Variants in LRP1B observed in about 807,000 individuals in gnomAD.
The protein encoded by LRP1B is LDL receptor related protein 1B, also known as low-density lipoprotein receptor-related protein 1B.
LRP1B carries 217 observed loss-of-function variants against 556.6 expected under a neutral mutation model. The ratio of observed to expected loss-of-function variants is 0.39; its 90% CI spans 0.35 to 0.44. The LOEUF is 0.44. Ranked by LOEUF, LRP1B falls within the 20% of genes least tolerant of loss-of-function variation. LRP1B has a pLI of 1.00. For missense variants in LRP1B, 5,053 were observed against 5,620.8 expected, an observed-to-expected ratio of 0.90 and a Z score of 3.23; for synonymous variants, 2,047 against 1,865.8, an observed-to-expected ratio of 1.10 and a Z score of -2.50.
chr2:140,687,366 A>G (rs1189379578), intron 41 of LRP1B, among the ~76,000 whole-genome samples: 1 of 152,194 alleles, frequency 6.6e-6, no homozygotes, highest in African/African-American at 2.4e-5. Context: ...AGGTTTAGAC[A>G]GCTAAAAGTA....
intron 41 of LRP1B, among the ~76,000 whole-genome samples, chr2:140,669,339 T>G (rs1685400077): frequency 2.0e-5 from 3 of 152,142 alleles, no homozygotes; most frequent in Admixed American, 2.0e-4. Context: ...TATTCTTTAT[T>G]GGGTCTACAG....
rs72846845 is a variant in LRP1B, at chr2:141,405,425, T to C, written c.343+74971A>G. Among the ~76,000 whole-genome samples, 736 of 152,280 alleles carry C rather than the reference T, an allele frequency of 4.8e-3. 9 individuals carry two copies. Among genetic ancestry groups the C allele is most frequent in the Middle Eastern group, 0.017 (5 of 294 alleles). ...TAGAACTACATTAATTTAGTCATAA[T>C]CACATAATTTATAACACATTAAGTC... On this transcript the variant is annotated intron_variant, in intron 3 of 90. Coordinates refer to ENST00000389484, the MANE Select transcript of LRP1B (RefSeq NM_018557.3).
At chr2:142,129,589 TCTCTCTCTCTC>T (rs1707777579) in intron 1 of LRP1B, among the ~76,000 whole-genome samples, 1 of 2,374 alleles carries the variant, frequency 4.2e-4, no homozygotes, top group African/African-American at 1.3e-3. Context: ...TCTCTTTCTC[TCTCTCTCTCTC>T]TCTCTCTCTC....
chr2:141,632,273 T>C (rs1688943245), intron 2 of LRP1B, among the ~76,000 whole-genome samples: 1 of 152,152 alleles, frequency 6.6e-6, no homozygotes, highest in African/African-American at 2.4e-5. Flanking sequence ...TTTATAAAGA[T>C]TCTTAGCACT....
chr2:141,646,438 G>A (rs1689566703), intron 2 of LRP1B, among the ~76,000 whole-genome samples: 1 of 152,072 alleles, frequency 6.6e-6, no homozygotes, highest in Admixed American at 6.6e-5. Flanking sequence ...TGCTCATTGA[G>A]GGCCTGTGAT....
At chr2:140,283,739 T>C (rs184014715) in intron 84 of LRP1B, among the ~76,000 whole-genome samples, 3 of 151,892 alleles carry the variant, frequency 2.0e-5, no homozygotes, top group Admixed American at 6.6e-5. Context: ...TTCAAAATAG[T>C]CAAAAATCAA....
At chr2:140,871,978 G>A (rs1470478968) in intron 25 of LRP1B, among the ~76,000 whole-genome samples, 1 of 150,532 alleles carries the variant, frequency 6.6e-6, no homozygotes, top group Admixed American at 6.6e-5. Flanking sequence ...AGAGGTGTGT[G>A]TGTTTGTATG....
In LRP1B at chr2:140,690,340, T is replaced by C. The variant is rs79456521; in HGVS notation, c.6799+9910A>G. 3.1e-3 allele frequency among the ~76,000 whole-genome samples: 476 copies of C among 152,250 alleles called. 6 individuals are homozygous for C. The highest frequency in any genetic ancestry group is 3.4e-3 in the Middle Eastern group (1 of 294). ...ATGCTTTGTTAAAAGGGCATATCACTCTTCCGGGTCTAACCTCTTCTTCGG... is the reference window on the plus strand; with the variant it reads ...ATGCTTTGTTAAAAGGGCATATCACCCTTCCGGGTCTAACCTCTTCTTCGG... On this transcript the variant is annotated intron_variant, in intron 41 of 90. Transcript: ENST00000389484.
chr2:142,090,438 T>C (rs1436730360), intron 1 of LRP1B, among the ~76,000 whole-genome samples: 1 of 152,096 alleles, frequency 6.6e-6, no homozygotes, highest in Non-Finnish European at 1.5e-5. Flanking sequence ...CACAATTATA[T>C]TGCAGCTGTA....
intron 1 of LRP1B, among the ~76,000 whole-genome samples, chr2:142,073,386 C>A (rs1291656036): frequency 6.6e-6 from 1 of 152,036 alleles, no homozygotes; most frequent in South Asian, 2.1e-4. Context: ...ACCTTTCATA[C>A]AGTAAAGGTC....
At chr2:140,497,708 T>C (rs927432351) in intron 55 of LRP1B, among the ~76,000 whole-genome samples, 3 of 151,762 alleles carry the variant, frequency 2.0e-5, no homozygotes, top group Non-Finnish European at 4.4e-5. Context: ...AAAACAGTAT[T>C]ATTAAATGAA....
Position 141,940,712 on chromosome 2 carries a change from A to T in LRP1B, c.83-130311T>A, listed in dbSNP as rs573376178. On this transcript the variant is annotated intron_variant, in intron 1 of 90. Coordinates refer to ENST00000389484, the MANE Select transcript of LRP1B (RefSeq NM_018557.3). Reference sequence around the variant, plus strand: ...ACAAGTGTGTATGCAGATTCAGTTCATCACTGGGAATTGAAAATCTCTCAT... The same window carrying T: ...ACAAGTGTGTATGCAGATTCAGTTCTTCACTGGGAATTGAAAATCTCTCAT... 3.3e-5 allele frequency among the ~76,000 whole-genome samples: 5 copies of T among 152,314 alleles called. No homozygotes were observed. The South Asian group carries it at 8.3e-4, about 25-fold the overall frequency.
intron 43 of LRP1B, among the ~76,000 whole-genome samples, chr2:140,594,612 C>T (rs1574120301): frequency 6.6e-6 from 1 of 152,158 alleles, no homozygotes; most frequent in South Asian, 2.1e-4. Flanking sequence ...TAGGTTACTT[C>T]TTTCTCATTA....
rs980085915 is a variant in LRP1B, at chr2:140,481,378, G to A, written c.9425+3965C>T. On this transcript the variant is annotated intron_variant, in intron 59 of 90. Coordinates refer to ENST00000389484, the MANE Select transcript of LRP1B (RefSeq NM_018557.3). ...GCCTGAAAACTGAATTAAATCCCCA[G>A]TGTAATATTTTATCACCTAAACAAT... is the stretch of plus-strand genomic sequence containing the variant. Among the ~76,000 whole-genome samples the A allele has an allele frequency of 5.3e-5, 8 of 151,966 alleles. No individual in the cohort carries two copies. The East Asian group carries it at 1.5e-3, about 29-fold the overall frequency.
At chr2:140,727,154 C>A (rs956944335) in intron 35 of LRP1B, among the ~76,000 whole-genome samples, 4 of 151,972 alleles carry the variant, frequency 2.6e-5, no homozygotes, top group African/African-American at 9.7e-5. Context: ...TAGTAATAAA[C>A]CTGTATTTTA....
At chr2:141,050,062 G>GT (rs1698990716) in intron 10 of LRP1B, among the ~76,000 whole-genome samples, 1 of 151,772 alleles carries the variant, frequency 6.6e-6, no homozygotes, top group East Asian at 1.9e-4. Flanking sequence ...AAAGGAAATA[G>GT]TTTTTATATA....
intron 41 of LRP1B, among the ~76,000 whole-genome samples, chr2:140,661,108 A>C (rs1439402489): frequency 6.6e-6 from 1 of 152,174 alleles, no homozygotes; most frequent in Non-Finnish European, 1.5e-5. Context: ...TAAATTATGT[A>C]GCAATCATTA....
At chr2:141,783,126 T>C (rs562395507) in intron 2 of LRP1B, among the ~76,000 whole-genome samples, 2 of 152,162 alleles carry the variant, frequency 1.3e-5, no homozygotes, top group South Asian at 2.1e-4. Context: ...AAGCAAAACA[T>C]GGTATGGTAG....
intron 2 of LRP1B, among the ~76,000 whole-genome samples, chr2:141,751,486 T>C (rs1039045992): frequency 6.6e-6 from 1 of 152,164 alleles, no homozygotes; most frequent in Admixed American, 6.5e-5. Context: ...CAGGAAGGCA[T>C]ATAGAATATC....
Sources: gnomAD v4.1 joint callset for allele counts (sites outside exome capture counted in the v4.1 genomes callset) on GRCh38, gnomAD v4.1.1 for gene constraint, MANE v1.5 for transcripts, NCBI Gene and HGNC (gene_info 2026-07-23, HGNC 2026-07-21) for gene names.